The following CES1 variants were observed in gnomAD, a reference collection of about 807,000 sequenced individuals.
The protein encoded by CES1 is carboxylesterase 1.
A neutral mutation model predicts 53.0 loss-of-function variants in CES1; 50 were observed. The ratio of observed to expected loss-of-function variants is 0.94; its 90% CI spans 0.75 to 1.19. The LOEUF is 1.19. CES1 is among the 50% of genes most tolerant of loss of function. CES1 has a pLI of 0.00. For synonymous variants in CES1, 202 were observed against 210.1 expected (o/e 0.96, Z 0.33); for missense variants, 534 against 538.0 (o/e 0.99, Z 0.07).
intron 7 of CES1, among the ~76,000 whole-genome samples, chr16:55,818,799 G>A (rs1278408491): frequency 2.6e-5 from 4 of 151,802 alleles, no homozygotes; most frequent in Non-Finnish European, 4.4e-5. Context: ...ATGGAGTACA[G>A]TTGAATTGAA....
At chr16:55,828,037 A>AT (rs1200268129) in intron 2 of CES1, 16 of 152,546 alleles carry the variant, frequency 1.0e-4, no homozygotes, top group Admixed American at 9.8e-4. Flanking sequence ...AGTAAACATT[A>AT]TTTTTTAAAA....
intron 5 of CES1, among the ~76,000 whole-genome samples, chr16:55,821,124 C>G (rs1353385761): frequency 1.3e-5 from 2 of 151,966 alleles, no homozygotes; most frequent in Non-Finnish European, 2.9e-5. Flanking sequence ...GAGAATGCCA[C>G]CATTGCAGGC....
At chr16:55,827,477 C>G (rs1330099338) in intron 2 of CES1, among the ~76,000 whole-genome samples, 1 of 151,974 alleles carries the variant, frequency 6.6e-6, no homozygotes, top group African/African-American at 2.4e-5. Context: ...TGGAGATGTT[C>G]ATACGTCAAT....
chr16:55,812,924 C>T lies in CES1; in HGVS notation c.1065G>A (p.Glu355=). 1.9e-6 allele frequency: 3 copies of T among 1,614,206 alleles called. No homozygotes were observed. Among genetic ancestry groups the T allele is most frequent in the Middle Eastern group, 1.7e-4 (1 of 6,060 alleles). ...VPYMVGINKQ[E]FGWLIPMQLM... ...TCACCATTGGAATCAACCAGCCAAACTCCTGCTTGTTAATTCCGACCATGT... is the reference window on the plus strand; with the variant it reads ...TCACCATTGGAATCAACCAGCCAAATTCCTGCTTGTTAATTCCGACCATGT... Residue 355 remains glutamate (E), a synonymous_variant, in exon 9 of 14, where the codon GAG becomes GAA. Transcript: ENST00000360526.
rs201034024 is a variant in CES1 at position 55,819,529 on chromosome 16, A to G, written c.906+6T>C. ...AGGGTTTGGGCTACGGGAACAGGCA[A>G]CCTACCATTTTCAATGTCGTCTCCA... On this transcript the variant is annotated splice_donor_region_variant and intron_variant, in intron 7 of 13. Coordinates refer to ENST00000360526, the MANE Select transcript of CES1 (RefSeq NM_001025195.2). 5.9e-5 allele frequency: 95 copies of G among 1,606,980 alleles called. 1 individual carries two copies. In the East Asian group the frequency reaches 1.2e-3, roughly 21 times the overall value.
In CES1 at chr16:55,826,243, G is replaced by A. The variant is rs5023780; in HGVS notation, c.313C>T (p.Arg105Ter). 1.9e-4 allele frequency: 302 copies of A among 1,613,924 alleles called. 1 individual carries two copies. Among genetic ancestry groups the A allele is most frequent in the African/African-American group, 1.3e-4 (10 of 75,006 alleles). Reference protein sequence around the residue: ...GQLLSELFTNRKENIPLKLSE... With the variant: ...GQLLSELFTN ...AGCTTGAGAGGAATGTTCTCCTTTC[G>A]GTTTGTAAATAGCTCTGAGAGTAAC... The change falls in exon 3 of 14, where the codon CGA becomes TGA. Residue 105 changes from arginine to a stop codon, truncating the protein, a stop_gained. Coordinates refer to ENST00000360526, the MANE Select transcript of CES1 (RefSeq NM_001025195.2). LOFTEE classifies it high-confidence loss of function.
intron 7 of CES1, among the ~76,000 whole-genome samples, chr16:55,817,220 A>C (rs1248794730): frequency 6.6e-6 from 1 of 152,176 alleles, no homozygotes; most frequent in African/African-American, 2.4e-5. Context: ...AGCAGATAGG[A>C]CATAAGTCTA....
chr16:55,817,462 C>T (rs1359220142), intron 7 of CES1, among the ~76,000 whole-genome samples: 1 of 152,228 alleles, frequency 6.6e-6, no homozygotes, highest in Non-Finnish European at 1.5e-5. Flanking sequence ...GTTTCCTCAT[C>T]TCCCATTAGA....
At chr16:55,821,246 G>A in intron 5 of CES1, 122 bp downstream of exon 5, 2 of 1,323,844 alleles carry the variant, frequency 1.5e-6, no homozygotes, top group Non-Finnish European at 2.2e-6. Context: ...GCTGTGAGTA[G>A]GGCCAGTCCT....
intron 9 of CES1, among the ~76,000 whole-genome samples, chr16:55,812,683 A>G (rs2142318005): frequency 6.6e-6 from 1 of 152,234 alleles, no homozygotes; most frequent in Admixed American, 6.5e-5. Context: ...CAATAGGAAG[A>G]CAATAAGAGA....
chr16:55,815,819 T>A (rs1381057476), intron 8 of CES1, among the ~76,000 whole-genome samples: 2 of 152,216 alleles, frequency 1.3e-5, no homozygotes, highest in African/African-American at 2.4e-5. Flanking sequence ...CTTTGTGAGA[T>A]CTAAGATCAT....
chr16:55,811,736 G>T (rs2031707084), intron 9 of CES1, among the ~76,000 whole-genome samples: 1 of 152,162 alleles, frequency 6.6e-6, no homozygotes, highest in Non-Finnish European at 1.5e-5. Flanking sequence ...TTAGAAGCCT[G>T]CAATGATAAA....
intron 2 of CES1, among the ~76,000 whole-genome samples, chr16:55,827,106 C>T (rs1167689620): frequency 6.6e-6 from 1 of 151,948 alleles, no homozygotes; most frequent in African/African-American, 2.4e-5. Flanking sequence ...TCCCAGACCT[C>T]AATGTACCAA....
intron 1 of CES1, among the ~76,000 whole-genome samples, chr16:55,830,773 AGAAGGAAG>A (rs1200351837): frequency 0.034 from 2,624 of 76,260 alleles, 14 homozygotes; most frequent in Middle Eastern, 0.078. Context: ...AAGGAAGGAA[AGAAGGAAG>A]GAAGGAAGGA....
At chr16:55,831,245 GA>G (rs2032657409) in intron 1 of CES1, among the ~76,000 whole-genome samples, 1 of 152,132 alleles carries the variant, frequency 6.6e-6, no homozygotes, top group Non-Finnish European at 1.5e-5. Context: ...CCATGTCTTT[GA>G]AGCCCAGGGA....
Position 55,828,781 on chromosome 16 carries a change from G to C in CES1, c.246C>G (p.Thr82=). The change falls in exon 2 of 14, where the codon ACC becomes ACG. Residue 82 remains threonine (T), a synonymous_variant. Transcript: ENST00000360526. ...AEPWSFVKNA[T]SYPPMCTQDP... ...CCGCAGCTTACATAGGAGGGTACGA[G>C]GTGGCATTCTTCACAAAGCTCCATG... is the stretch of plus-strand genomic sequence containing the variant. The C allele has an allele frequency of 6.2e-7, 1 of 1,614,288 alleles. No individual in the cohort carries two copies. Among genetic ancestry groups the C allele is most frequent in the Non-Finnish European group, 8.5e-7 (1 of 1,180,058 alleles).
intron 8 of CES1, among the ~76,000 whole-genome samples, chr16:55,813,442 A>G (rs1490855323): frequency 6.6e-6 from 1 of 152,014 alleles, no homozygotes; most frequent in Non-Finnish European, 1.5e-5. Context: ...TCATCACTCA[A>G]GGGGGAAATA....
chr16:55,818,053 T>C (rs2032022972), intron 7 of CES1, among the ~76,000 whole-genome samples: 1 of 152,206 alleles, frequency 6.6e-6, no homozygotes, highest in African/African-American at 2.4e-5. Flanking sequence ...AATACCACAT[T>C]GGACTCAACT....
chr16:55,829,447 A>G (rs1302332830), intron 1 of CES1, among the ~76,000 whole-genome samples: 5 of 152,254 alleles, frequency 3.3e-5, no homozygotes, highest in Non-Finnish European at 4.4e-5. Context: ...AAGGCAGTCT[A>G]GGAATTAGAA....
Sources: gnomAD v4.1 joint callset for allele counts (sites outside exome capture counted in the v4.1 genomes callset) on GRCh38, gnomAD v4.1.1 for gene constraint, MANE v1.5 for transcripts, NCBI Gene and HGNC (gene_info 2026-07-23, HGNC 2026-07-21) for gene names.